MICAL2: variants seen among roughly 807,000 people sequenced by gnomAD.
MICAL2 encodes microtubule associated monooxygenase, calponin and LIM domain containing 2.
A neutral mutation model predicts 127.3 loss-of-function variants in MICAL2; 77 were observed. That is an observed-to-expected ratio of 0.60 (90% CI 0.50 to 0.73). The LOEUF (loss-of-function observed/expected upper bound fraction) is 0.73. Ranked by LOEUF, MICAL2 falls within the 30% of genes least tolerant of loss-of-function variation. The pLI, the probability that MICAL2 is intolerant of heterozygous loss-of-function variation, is 0.00. For synonymous variants in MICAL2, 570 were observed against 551.1 expected, an observed-to-expected ratio of 1.03 and a Z score of -0.48; for missense variants, 1,351 against 1,434.4, an observed-to-expected ratio of 0.94 and a Z score of 0.94.
chr11:12,130,099 T>C (rs906380239), intron 1 of MICAL2, among the ~76,000 whole-genome samples: 5 of 152,168 alleles, frequency 3.3e-5, no homozygotes, highest in Non-Finnish European at 5.9e-5. Flanking sequence ...GAGCTGATTA[T>C]TGGAGTTGCT....
intron 2 of MICAL2, among the ~76,000 whole-genome samples, chr11:12,146,548 A>G (rs1403772144): frequency 6.6e-6 from 1 of 152,222 alleles, no homozygotes; most frequent in African/African-American, 2.4e-5. Flanking sequence ...TGATCATTAA[A>G]AAGTCAGGAA....
chr11:12,244,035 C>T lies in MICAL2; in HGVS notation c.2707C>T (p.Pro903Ser), dbSNP rs1860354040. The T allele has an allele frequency of 6.2e-7, 1 of 1,613,920 alleles. No homozygotes were observed. The highest frequency in any genetic ancestry group is 8.5e-7 in the Non-Finnish European group (1 of 1,179,756). ...GTCTCATACTCATCCTCCATCTCCT[C>T]CCTCTCGCCTTCCGTCTCCTGATCC... ...GLSHTHPPSP[P>S]SRLPSPDPAA... Residue 903 changes from proline (P) to serine (S), a missense_variant, in exon 21 of 28, where the codon CCC becomes TCC. Pro to Ser is a moderately conservative substitution (Grantham distance 74). Coordinates refer to ENST00000683283, the MANE Select transcript of MICAL2 (RefSeq NM_001282663.2).
intron 6 of MICAL2, among the ~76,000 whole-genome samples, chr11:12,210,185 A>G (rs12788362): frequency 0.23 from 35,375 of 152,114 alleles, 5,044 homozygotes; most frequent in Non-Finnish European, 0.31. Flanking sequence ...AAGCTGAAGC[A>G]TAGTATCTTT....
intron 4 of MICAL2, among the ~76,000 whole-genome samples, chr11:12,207,153 C>T (rs1854801848): frequency 1.3e-5 from 2 of 152,140 alleles, no homozygotes; most frequent in East Asian, 1.9e-4. Context: ...TATTCTTGGT[C>T]CCTCCTCTCT....
At chr11:12,130,337 C>G (rs1851311439) in intron 1 of MICAL2, among the ~76,000 whole-genome samples, 1 of 152,248 alleles carries the variant, frequency 6.6e-6, no homozygotes, top group East Asian at 1.9e-4. Context: ...GTGTAGAGCC[C>G]AGAATCACTG....
At chr11:12,178,156 A>G (rs1328903395) in intron 3 of MICAL2, among the ~76,000 whole-genome samples, 4 of 152,228 alleles carry the variant, frequency 2.6e-5, no homozygotes, top group Admixed American at 6.5e-5. Flanking sequence ...TGAAGCTGCC[A>G]TTAAGACCCA....
intron 1 of MICAL2, among the ~76,000 whole-genome samples, chr11:12,125,651 C>T (rs1850860213): frequency 6.6e-6 from 1 of 152,138 alleles, no homozygotes; most frequent in African/African-American, 2.4e-5. Flanking sequence ...TGTGTCTAGT[C>T]TGCTATCAGT....
chr11:12,295,963 C>A (rs1012124998), downstream of MICAL2, among the ~76,000 whole-genome samples: 1 of 151,990 alleles, frequency 6.6e-6, no homozygotes, highest in African/African-American at 2.4e-5. Context: ...TATTTGCATA[C>A]CACCAATGAA....
chr11:12,259,460 T>C (rs1410535559), intron 25 of MICAL2, among the ~76,000 whole-genome samples: 1 of 152,248 alleles, frequency 6.6e-6, no homozygotes, highest in Non-Finnish European at 1.5e-5. Context: ...TTTACGTCGT[T>C]GGAATTTTTT....
intron 12 of MICAL2, among the ~76,000 whole-genome samples, chr11:12,224,257 C>G (rs571279057): frequency 6.6e-6 from 1 of 152,308 alleles, no homozygotes; most frequent in Admixed American, 6.5e-5. Flanking sequence ...ACGTACCTCC[C>G]CATTACACTT....
intron 2 of MICAL2, among the ~76,000 whole-genome samples, chr11:12,149,849 A>G (rs1160033819): frequency 1.1e-4 from 16 of 152,184 alleles, no homozygotes; most frequent in Admixed American, 1.0e-3. Context: ...AGTCATGAGG[A>G]CACAGATACT....
chr11:12,262,290 G>C (rs567540945), intron 26 of MICAL2, 190 bp from the exon 27 acceptor site: 2 of 1,434,662 alleles, frequency 1.4e-6, no homozygotes, highest in African/African-American at 2.9e-5. Context: ...CAAGTAGCTG[G>C]TCACAACCAG....
chr11:12,350,483 GA>G (rs1191027659), intron 33 of MICAL2, among the ~76,000 whole-genome samples: 1 of 152,136 alleles, frequency 6.6e-6, no homozygotes, highest in Non-Finnish European at 1.5e-5. Context: ...ATTCTAGAGG[GA>G]AAAAAGTAAC....
chr11:12,131,413 G>A (rs1166625403), intron 1 of MICAL2, among the ~76,000 whole-genome samples: 1 of 151,994 alleles, frequency 6.6e-6, no homozygotes, highest in Non-Finnish European at 1.5e-5. Context: ...CAAGCTGGCT[G>A]GTCTCCTCTC....
chr11:12,346,559 C>T (rs1043451205), intron 32 of MICAL2, among the ~76,000 whole-genome samples: 8 of 152,154 alleles, frequency 5.3e-5, no homozygotes, highest in African/African-American at 1.7e-4. Flanking sequence ...TTGTTCTTCC[C>T]CTCCTCTCCC....
upstream of MICAL2, among the ~76,000 whole-genome samples, chr11:12,271,798 A>C (rs558787487): frequency 2.9e-3 from 445 of 152,258 alleles, 2 homozygotes; most frequent in African/African-American, 0.01. Flanking sequence ...ACTGAACCCC[A>C]TAAAACCCAG....
downstream of MICAL2, chr11:12,358,576 C>T (rs1028248650): frequency 9.7e-6 from 11 of 1,128,748 alleles, no homozygotes; most frequent in East Asian, 2.6e-5. Context: ...ATTTATCATC[C>T]CTGGAACTTG....
rs113703933 is a variant in MICAL2, at chr11:12,306,076, C to T, written c.5212+11219C>T. On this transcript the variant is annotated intron_variant, in intron 29 of 34. Coordinates refer to the MICAL2 transcript ENST00000646065. ...ATAGTCATTTTTCTTGCTTATAATA[C>T]ACAAAAGAAAAATACTCGTAAGTAT... Among the ~76,000 whole-genome samples, 1,145 of 152,170 alleles carry T rather than the reference C, an allele frequency of 7.5e-3. 15 individuals are homozygous for T. Among genetic ancestry groups the T allele is most frequent in the African/African-American group, 0.027 (1,101 of 41,508 alleles).
chr11:12,156,760 G>A (rs542635669), intron 2 of MICAL2, among the ~76,000 whole-genome samples: 13 of 152,218 alleles, frequency 8.5e-5, no homozygotes, highest in South Asian at 2.1e-4. Context: ...AAGGCATCTC[G>A]CACTGCTGAG....
Sources: gnomAD v4.1 joint callset for allele counts (sites outside exome capture counted in the v4.1 genomes callset) on GRCh38, gnomAD v4.1.1 for gene constraint, MANE v1.5 for transcripts, NCBI Gene and HGNC (gene_info 2026-07-23, HGNC 2026-07-21) for gene names.